Variants in CYP4F11 observed in about 807,000 individuals in gnomAD.
CYP4F11 encodes the protein cytochrome P450 family 4 subfamily F member 11, also known as cytochrome P450 4F11.
CYP4F11 carries 79 observed loss-of-function variants against 62.2 expected under a neutral mutation model. The observed-to-expected ratio is 1.27, with a 90% CI of 1.06 to 1.53. The LOEUF is 1.53. Ranked by LOEUF, CYP4F11 falls within the 40% of genes most tolerant of loss-of-function variation. CYP4F11 has a pLI of 0.00. For missense variants in CYP4F11, 777 were observed against 680.5 expected, an observed-to-expected ratio of 1.14 and a Z score of -1.58; for synonymous variants, 290 against 263.7, an observed-to-expected ratio of 1.10 and a Z score of -0.97.
chr19:15,915,985 T>C lies in CYP4F11; in HGVS notation c.1116-1090A>G, dbSNP rs548457211. On this transcript the variant is annotated intron_variant, in intron 8 of 11. Coordinates refer to ENST00000402119, the MANE Select transcript of CYP4F11 (RefSeq NM_021187.4). ...AGACGTAAAGTCTCTGTATTTCCAA[T>C]GAATTTATACATTTCCCTCTATCTG... 1.6e-4 allele frequency among the ~76,000 whole-genome samples: 25 copies of C among 152,170 alleles called. 3 individuals carry two copies. The South Asian group carries it at 5.2e-3, about 32-fold the overall frequency.
In CYP4F11 at chr19:15,913,814, G is replaced by C. The variant is rs1489741241; in HGVS notation, c.1493C>G (p.Pro498Arg). 6 of 1,614,082 alleles carry C rather than the reference G, an allele frequency of 3.7e-6. No individual in the cohort carries two copies. In the Admixed American group the frequency reaches 1.0e-4, roughly 27 times the overall value. ...CAATATCAGCTCGGGTTTCCTGCGG[G>C]GTTCAGTGTGGGTCGGCAGGATGCG... is the stretch of plus-strand genomic sequence containing the variant. ...HFRILPTHTEPRRKPELILRA... is the reference protein window; with the variant it reads ...HFRILPTHTERRRKPELILRA... The change falls in exon 12 of 12, where the codon CCC becomes CGC. Residue 498 changes from proline to arginine, a missense_variant. Pro to Arg is a moderately radical substitution (Grantham distance 103). Transcript: ENST00000402119.
At chr19:15,917,559 G>T (rs2089592593) in intron 8 of CYP4F11, among the ~76,000 whole-genome samples, 1 of 152,092 alleles carries the variant, frequency 6.6e-6, no homozygotes, top group African/African-American at 2.4e-5. Context: ...CCCACATCTG[G>T]TAAAGGAAGC....
chr19:15,929,535 T>G lies in CYP4F11; in HGVS notation c.265A>C (p.Lys89Gln), dbSNP rs572635183. Reference protein sequence around the residue: ...QLVTTYPQGFKLWLGPTFPLL... With the variant: ...QLVTTYPQGFQLWLGPTFPLL... ...GGGAAGGTAGGACCCAGCCACAACT[T>G]AAAGCCCTGGGGATATGTGGTCACC... Residue 89 changes from lysine to glutamine, a missense_variant, in exon 2 of 12, where the codon AAG becomes CAG. Coordinates refer to ENST00000402119, the MANE Select transcript of CYP4F11 (RefSeq NM_021187.4). 6.2e-7 allele frequency: 1 copy of G among 1,613,990 alleles called. No individual in the cohort carries two copies. The highest frequency in any genetic ancestry group is 2.2e-5 in the East Asian group (1 of 44,876).
rs374223335 is a variant in CYP4F11, at chr19:15,929,203, C to G, written c.343+254G>C. Among the ~76,000 whole-genome samples, 80 of 152,298 alleles carry G rather than the reference C, an allele frequency of 5.3e-4. 1 individual carries two copies. The highest frequency in any genetic ancestry group is 6.8e-3 in the Middle Eastern group (2 of 294). On this transcript the variant is annotated intron_variant, in intron 2 of 11. Transcript: ENST00000402119. Reference sequence around the variant, plus strand: ...CTCAAGCACGGGGCTTTCTCGAGGACAGGGCCCTAAATTGAGGCTTTTTGG... The same window carrying G: ...CTCAAGCACGGGGCTTTCTCGAGGAGAGGGCCCTAAATTGAGGCTTTTTGG...
At chr19:15,919,517 T>TAGAC (rs1292566957) in intron 8 of CYP4F11, among the ~76,000 whole-genome samples, 243 of 133,872 alleles carry the variant, frequency 1.8e-3, no homozygotes, top group African/African-American at 3.5e-3. Context: ...GATAGATAGA[T>TAGAC]AGATAGACAG....
chr19:15,914,274 C>T, intron 11 of CYP4F11, 31 bp downstream of exon 11: 1 of 1,608,302 alleles, frequency 6.2e-7, no homozygotes, highest in Non-Finnish European at 8.5e-7. Context: ...CCCATCATGC[C>T]ATCTCTGCCT....
chr19:15,921,295 G>A (rs991726145), intron 8 of CYP4F11, among the ~76,000 whole-genome samples: 1 of 152,164 alleles, frequency 6.6e-6, no homozygotes, highest in Non-Finnish European at 1.5e-5. Context: ...TCATCTTGAA[G>A]TACTGGCCTC....
rs1294572282 is a variant in CYP4F11, at chr19:15,912,777, A to ATGTG, written c.*954_*955insCACA. ...TGTGTGTGTGTGTGTGTGTGTATAT[A>ATGTG]TATATATATATAATATATATATATA... On this transcript the variant is annotated 3_prime_UTR_variant, in exon 12 of 12. Transcript: ENST00000402119. 9.5e-3 allele frequency: 368 copies of ATGTG among 38,636 alleles called. 27 individuals carry two copies. Among genetic ancestry groups the ATGTG allele is most frequent in the African/African-American group, 0.033 (334 of 10,116 alleles). 2.4% of individuals were successfully genotyped at this position (38,636 alleles called of 1,614,324 possible). A position where few individuals can be genotyped will look rare whatever the true frequency, so the allele number is the denominator to read the frequency against.
intron 7 of CYP4F11, 56 bp downstream of exon 7, chr19:15,922,308 G>C: frequency 1.2e-6 from 2 of 1,608,042 alleles, no homozygotes; most frequent in East Asian, 2.2e-5. Context: ...CACCCACTAC[G>C]TTCCTGGGAT....
chr19:15,914,532 CA>C, intron 10 of CYP4F11, 69 bp downstream of exon 10: 1 of 1,595,808 alleles, frequency 6.3e-7, no homozygotes, highest in Non-Finnish European at 8.6e-7. Flanking sequence ...TTTTCCTGGT[CA>C]AAACCCTGTC....
At position 15,912,591 on chromosome 19, in the gene CYP4F11, T is replaced by G. The variant is rs909843379; in HGVS notation, c.*1141A>C. Reference sequence around the variant, plus strand: ...AAGAGATCAATGTTTGTAGCAGGATTTTATTTTGAGACACTGACTGAGGTT... The same window carrying G: ...AAGAGATCAATGTTTGTAGCAGGATGTTATTTTGAGACACTGACTGAGGTT... On this transcript the variant is annotated 3_prime_UTR_variant, in exon 12 of 12. Transcript: ENST00000402119. 2 of 150,088 alleles carry G rather than the reference T, an allele frequency of 1.3e-5. No homozygotes were observed. Among genetic ancestry groups the G allele is most frequent in the African/African-American group, 4.9e-5 (2 of 40,660 alleles). 9.3% of individuals were successfully genotyped at this position (150,088 alleles called of 1,614,324 possible).
Position 15,913,718 on chromosome 19 carries a change from G to T in CYP4F11, c.*14C>A, listed in dbSNP as rs761179769. 9 of 1,613,916 alleles carry T rather than the reference G, an allele frequency of 5.6e-6. No homozygotes were observed. In the South Asian group the frequency reaches 8.8e-5, roughly 16 times the overall value. ...TTCTGGGACTCTACAGAGGTGGGTG[G>T]GTGGGTAGGACAGTCACTGTGAGTT... On this transcript the variant is annotated 3_prime_UTR_variant, in exon 12 of 12. Coordinates refer to ENST00000402119, the MANE Select transcript of CYP4F11 (RefSeq NM_021187.4).
chr19:15,913,776 C>T lies in CYP4F11; in HGVS notation c.1531G>A (p.Gly511Arg). The change falls in exon 12 of 12, where the codon GGA becomes AGA. Residue 511 changes from glycine to arginine, a missense_variant. Transcript: ENST00000402119. ...AGGGGCTCCACCCGCAGCCAAAGTC[C>T]ACCCTCTGCGCGCAATATCAGCTCG... ...KPELILRAEG[G>R]LWLRVEPLGA... 1 of 1,614,196 alleles carries T rather than the reference C, an allele frequency of 6.2e-7. No homozygotes were observed.
chr19:15,915,479 C>T (rs1029192852), intron 8 of CYP4F11, among the ~76,000 whole-genome samples: 1 of 152,160 alleles, frequency 6.6e-6, no homozygotes, highest in Non-Finnish European at 1.5e-5. Flanking sequence ...ACATTGTACA[C>T]TTAAGTGGCT....
intron 8 of CYP4F11, among the ~76,000 whole-genome samples, chr19:15,917,477 G>T (rs1266257078): frequency 6.6e-6 from 1 of 152,104 alleles, no homozygotes; most frequent in Non-Finnish European, 1.5e-5. Flanking sequence ...GCATGGCAAA[G>T]CTGCAAGAAC....
rs2089632636 is a variant in CYP4F11 at position 15,921,974 on chromosome 19, C to T, written c.1115+63G>A. The T allele has an allele frequency of 2.7e-6, 4 of 1,481,024 alleles. No homozygotes were observed. In the Admixed American group the frequency reaches 7.1e-5, roughly 26 times the overall value. 91.7% of individuals were successfully genotyped at this position (1,481,024 alleles called of 1,614,324 possible). On this transcript the variant is annotated intron_variant, in intron 8 of 11. Coordinates refer to ENST00000402119, the MANE Select transcript of CYP4F11 (RefSeq NM_021187.4). ...AATTGACCAAAAAAACTCCCTCCCT[C>T]TGCCCACCTGAGGAGCAGAACCAAT...
At chr19:15,927,676 T>C (rs560854463) in intron 2 of CYP4F11, 193 bp from the exon 3 acceptor site, 7 of 662,358 alleles carry the variant, frequency 1.1e-5, no homozygotes, top group South Asian at 5.6e-5. Flanking sequence ...AGCGACAGAG[T>C]AGAGCAATAA....
chr19:15,914,998 A>T, intron 8 of CYP4F11, 103 bp from the exon 9 acceptor site: 1 of 1,511,506 alleles, frequency 6.6e-7, no homozygotes, highest in Non-Finnish European at 8.9e-7. Context: ...CACAAAATAA[A>T]TTCCACATGG....
At chr19:15,914,698 G>GC in intron 9 of CYP4F11, 32 bp from the exon 10 acceptor site, 2 of 1,613,968 alleles carry the variant, frequency 1.2e-6, no homozygotes, top group Non-Finnish European at 1.7e-6. Flanking sequence ...TCAGGACAAG[G>GC]CCCCCCTGCC....
Sources: allele counts gnomAD v4.1 joint callset (sites outside exome capture counted in the v4.1 genomes callset), GRCh38; gene constraint gnomAD v4.1.1; transcripts MANE v1.5; gene names NCBI Gene and HGNC (gene_info 2026-07-23, HGNC 2026-07-21).